The following NXPH1 variants were observed in gnomAD, a reference collection of about 807,000 sequenced individuals.
The protein encoded by NXPH1 is neurexophilin 1, also known as neurexophilin-1.
In NXPH1, 5 loss-of-function variants were observed where a neutral mutation model predicts 23.7. That is an observed-to-expected ratio of 0.21 (90% CI 0.11 to 0.44). NXPH1 has a LOEUF of 0.44. Among genes scored for constraint, NXPH1 ranks in the 20% least tolerant of loss-of-function variants. The pLI, the probability that NXPH1 is intolerant of heterozygous loss-of-function variation, is 0.99. For missense variants in NXPH1, 324 were observed against 321.6 expected (o/e 1.01, Z -0.06); for synonymous variants, 144 against 122.2 (o/e 1.18, Z -1.18).
Position 8,440,257 on chromosome 7 carries a change from G to T in NXPH1, c.54+4490G>T, listed in dbSNP as rs374338055. Among the ~76,000 whole-genome samples, 12 of 152,314 alleles carry T rather than the reference G, an allele frequency of 7.9e-5. No individual in the cohort carries two copies. The East Asian group carries it at 1.3e-3, about 17-fold the overall frequency. ...GTTCAACTTTCCATTGACCAAGAAAGCAGCTCGCCCAAGTGTGTGGGAAGC... is the reference window on the plus strand; with the variant it reads ...GTTCAACTTTCCATTGACCAAGAAATCAGCTCGCCCAAGTGTGTGGGAAGC... On this transcript the variant is annotated intron_variant, in intron 2 of 2. Transcript: ENST00000405863.
At chr7:8,444,988 C>G (rs561320170) in intron 2 of NXPH1, among the ~76,000 whole-genome samples, 1 of 152,306 alleles carries the variant, frequency 6.6e-6, no homozygotes, top group African/African-American at 2.4e-5. Flanking sequence ...GACAGCTAGC[C>G]AACACAATAC....
chr7:8,512,231 C>T (rs1311513151), intron 2 of NXPH1, among the ~76,000 whole-genome samples: 1 of 152,174 alleles, frequency 6.6e-6, no homozygotes, highest in African/African-American at 2.4e-5. Flanking sequence ...ATGTGATAAT[C>T]TTAACCAACT....
At chr7:8,619,648 T>A (rs1393652235) in intron 2 of NXPH1, among the ~76,000 whole-genome samples, 1 of 152,202 alleles carries the variant, frequency 6.6e-6, no homozygotes, top group African/African-American at 2.4e-5. Flanking sequence ...ATAAATTCAG[T>A]ATGAGAAAGT....
Position 8,751,553 on chromosome 7 carries a change from G to A in NXPH1, c.600G>A (p.Lys200=), listed in dbSNP as rs1334799908. ...TTAATTGTCGCATTGAATATGAAAA[G>A]GTTGACAAGGCTACCAAGAACACAC... The part of the protein sequence containing the change: ...KSFNCRIEYE[K]VDKATKNTLC... The change falls in exon 3 of 3, where the codon AAG becomes AAA. Residue 200 remains lysine (K), a synonymous_variant. Coordinates refer to ENST00000405863, the MANE Select transcript of NXPH1 (RefSeq NM_152745.3). The surrounding 1 kb of genome is among the most constrained non-coding windows in gnomAD (Gnocchi z 4.5). The A allele has an allele frequency of 3.7e-6, 6 of 1,613,370 alleles. No individual in the cohort carries two copies. The highest frequency in any genetic ancestry group is 2.2e-5 in the East Asian group (1 of 44,862).
chr7:8,652,356 A>G (rs1424925431), intron 2 of NXPH1, among the ~76,000 whole-genome samples: 1 of 152,190 alleles, frequency 6.6e-6, no homozygotes, highest in Non-Finnish European at 1.5e-5. Context: ...ATGTAGAGAA[A>G]TGAATCAAAT....
intron 2 of NXPH1, among the ~76,000 whole-genome samples, chr7:8,692,251 T>C (rs1277444745): frequency 1.3e-5 from 2 of 152,090 alleles, no homozygotes; most frequent in Non-Finnish European, 2.9e-5. Flanking sequence ...GATGAACATA[T>C]TTAGAAGATC....
chr7:8,654,377 ATC>A (rs1820539570), intron 2 of NXPH1, among the ~76,000 whole-genome samples: 1 of 152,216 alleles, frequency 6.6e-6, no homozygotes, highest in African/African-American at 2.4e-5. Context: ...TTTGAAAATG[ATC>A]TGTTTGTAGA....
At chr7:8,725,510 C>G (rs1780037254) in intron 2 of NXPH1, among the ~76,000 whole-genome samples, 1 of 150,912 alleles carries the variant, frequency 6.6e-6, no homozygotes, top group Non-Finnish European at 1.5e-5. Context: ...AAAAAAAATC[C>G]ATCGTAGGGC....
intron 2 of NXPH1, among the ~76,000 whole-genome samples, chr7:8,608,868 T>C (rs919019103): frequency 3.1e-4 from 47 of 152,276 alleles, no homozygotes; most frequent in African/African-American, 1.1e-3. Flanking sequence ...CTAGGGAGTT[T>C]TTGATCACAC....
chr7:8,488,626 G>A (rs114395664), intron 2 of NXPH1, among the ~76,000 whole-genome samples: 2,582 of 152,120 alleles, frequency 0.017, 76 homozygotes, highest in African/African-American at 0.058. Flanking sequence ...GTCTTCTGAA[G>A]GCTAATCGAG....
At chr7:8,742,204 T>C (rs905922415) in intron 2 of NXPH1, among the ~76,000 whole-genome samples, 5 of 152,166 alleles carry the variant, frequency 3.3e-5, no homozygotes, top group Non-Finnish European at 7.4e-5. Flanking sequence ...CTTTTGGGTA[T>C]GGATGACTCA....
chr7:8,699,393 T>G lies in NXPH1; in HGVS notation c.55-51615T>G, dbSNP rs567588346. Among the ~76,000 whole-genome samples, 9 of 152,152 alleles carry G rather than the reference T, an allele frequency of 5.9e-5. No individual in the cohort carries two copies. The South Asian group carries it at 1.9e-3, about 32-fold the overall frequency. On this transcript the variant is annotated intron_variant, in intron 2 of 2. Coordinates refer to ENST00000405863, the MANE Select transcript of NXPH1 (RefSeq NM_152745.3). ...TATCTCTGATTTTCCCTTTGCAAATTCACATAGTGAAATGTTCTTTTTGGT... is the reference window on the plus strand; with the variant it reads ...TATCTCTGATTTTCCCTTTGCAAATGCACATAGTGAAATGTTCTTTTTGGT...
intron 2 of NXPH1, among the ~76,000 whole-genome samples, chr7:8,667,907 T>G (rs115399183): frequency 0.018 from 2,696 of 152,110 alleles, 81 homozygotes; most frequent in African/African-American, 0.061. Flanking sequence ...TGATTGTATA[T>G]TTTAAAATAA....
intron 2 of NXPH1, among the ~76,000 whole-genome samples, chr7:8,599,214 C>A (rs1819299661): frequency 6.6e-6 from 1 of 152,022 alleles, no homozygotes; most frequent in South Asian, 2.1e-4. Context: ...AATATTTGAG[C>A]TGAGCCTTAG....
intron 2 of NXPH1, among the ~76,000 whole-genome samples, chr7:8,593,147 TGCATGTTTCTCAGAGTAAGAA>T (rs1819137450): frequency 6.6e-6 from 1 of 151,676 alleles, no homozygotes; most frequent in East Asian, 1.9e-4. Flanking sequence ...CTAAGCAGAT[TGCATGTTTCTCAGAGTAAGAA>T]GCATTTTTTT....
chr7:8,667,797 T>C (rs1820797051), intron 2 of NXPH1, among the ~76,000 whole-genome samples: 1 of 152,122 alleles, frequency 6.6e-6, no homozygotes, highest in South Asian at 2.1e-4. Flanking sequence ...TCTCTTCTTC[T>C]TCTTGAACTC....
At chr7:8,628,913 C>G (rs1820061183) in intron 2 of NXPH1, among the ~76,000 whole-genome samples, 1 of 151,008 alleles carries the variant, frequency 6.6e-6, no homozygotes, top group African/African-American at 2.4e-5. Flanking sequence ...TGACGAAAGC[C>G]TCATGTATCT....
chr7:8,565,589 T>C (rs1335418568), intron 2 of NXPH1, among the ~76,000 whole-genome samples: 1 of 151,850 alleles, frequency 6.6e-6, no homozygotes, highest in Non-Finnish European at 1.5e-5. Flanking sequence ...GATGTTAGTT[T>C]ACTTTTATAC....
rs557978560 is a variant in NXPH1 at position 8,727,175 on chromosome 7, G to C, written c.55-23833G>C. ...TGTTCATGTCCTTCGCCCACTTTTT[G>C]ATGGGGTTGTTTGTTTTTTTCTTGT... On this transcript the variant is annotated intron_variant, in intron 2 of 2. Transcript: ENST00000405863. Among the ~76,000 whole-genome samples the C allele has an allele frequency of 6.6e-5, 9 of 136,572 alleles. No individual in the cohort carries two copies. In the East Asian group the frequency reaches 2.0e-3, roughly 30 times the overall value. The allele number at this position is 136,572 out of a possible 152,430, so 89.6% of individuals were successfully genotyped here. A position where few individuals can be genotyped will look rare whatever the true frequency, so the allele number is the denominator to read the frequency against.
Sources: allele counts gnomAD v4.1 joint callset (sites outside exome capture counted in the v4.1 genomes callset), GRCh38; gene constraint gnomAD v4.1.1; non-coding constraint Gnocchi (gnomAD v3.1); transcripts MANE v1.5; gene names NCBI Gene and HGNC (gene_info 2026-07-23, HGNC 2026-07-21).